MPP7: variants seen among roughly 807,000 people sequenced by gnomAD.
The protein encoded by MPP7 is MAGUK p55 scaffold protein 7.
In MPP7, 60 loss-of-function variants were observed where a neutral mutation model predicts 76.5. The observed-to-expected ratio is 0.78, with a 90% confidence interval of 0.64 to 0.97. The LOEUF is 0.97. MPP7 is among the 50% of genes least tolerant of loss of function. The pLI is 0.00. For missense variants in MPP7, 641 were observed against 694.0 expected, an observed-to-expected ratio of 0.92 and a Z score of 0.86; for synonymous variants, 237 against 244.5, an observed-to-expected ratio of 0.97 and a Z score of 0.29.
rs1028087359 is a variant in MPP7, at chr10:28,125,204, A to T, written c.448-113T>A. On this transcript the variant is annotated intron_variant, in intron 6 of 16. Coordinates refer to ENST00000683449, the MANE Select transcript of MPP7 (RefSeq NM_001318170.2). The stretch of plus-strand genomic sequence containing the variant: ...AAGAGAAAACAACTACAAAAACGAA[A>T]AAAAAGAAATGAGGCAGGAAAAATA... 2.0e-5 allele frequency: 17 copies of T among 865,624 alleles called. No homozygotes were observed. In the Middle Eastern group the frequency reaches 1.8e-3, roughly 91 times the overall value. 53.6% of individuals were successfully genotyped at this position (865,624 alleles called of 1,614,324 possible). A position where few individuals can be genotyped will look rare whatever the true frequency, so the allele number is the denominator to read the frequency against.
intron 1 of MPP7, among the ~76,000 whole-genome samples, chr10:28,264,724 C>T (rs1399599544): frequency 6.6e-6 from 1 of 152,138 alleles, no homozygotes; most frequent in Non-Finnish European, 1.5e-5. Flanking sequence ...GTGAAGGAAA[C>T]TGTTTATTAC....
At chr10:28,059,321 G>A (rs10218924) in intron 14 of MPP7, among the ~76,000 whole-genome samples, 22,538 of 152,106 alleles carry the variant, frequency 0.15, 1,997 homozygotes, top group African/African-American at 0.25. Flanking sequence ...ATAGTTGTTG[G>A]TTTTTGAAGT....
intron 11 of MPP7, among the ~76,000 whole-genome samples, chr10:28,090,753 A>G (rs950141049): frequency 3.3e-5 from 5 of 152,236 alleles, no homozygotes; most frequent in Non-Finnish European, 5.9e-5. Context: ...AAGTCAGTTA[A>G]CTTTAACTGG....
chr10:28,219,103 G>A (rs936944698), intron 2 of MPP7, among the ~76,000 whole-genome samples: 6 of 152,116 alleles, frequency 3.9e-5, no homozygotes, highest in Non-Finnish European at 7.4e-5. Flanking sequence ...AGAGAATTTC[G>A]TTTAGAACAA....
chr10:28,271,143 G>GATACA lies in MPP7; in HGVS notation c.-132+31717_-132+31718insTGTAT, dbSNP rs1384225697. 6.6e-5 allele frequency among the ~76,000 whole-genome samples: 10 copies of GATACA among 152,308 alleles called. No individual in the cohort carries two copies. In the East Asian group the frequency reaches 1.5e-3, roughly 24 times the overall value. On this transcript the variant is annotated intron_variant, in intron 1 of 16. Transcript: ENST00000683449. ...AAATATGGTTTCTAGGCAAAAGGAA[G>GATACA]TTAGGCAAAATTTGCAATGTATCTT...
intron 4 of MPP7, 139 bp from the exon 5 acceptor site, chr10:28,147,702 A>C (rs1463082462): frequency 4.2e-6 from 3 of 707,564 alleles, no homozygotes; most frequent in Non-Finnish European, 7.4e-6. Context: ...AAGAAAACAG[A>C]TCATCAATCA....
At chr10:28,189,862 C>A in intron 3 of MPP7, among the ~76,000 whole-genome samples, 1 of 151,746 alleles carries the variant, frequency 6.6e-6, no homozygotes, top group Non-Finnish European at 1.5e-5. Context: ...TCTAAATATA[C>A]CAATTAAAAA....
chr10:28,114,528 T>TA (rs943174301), intron 11 of MPP7, among the ~76,000 whole-genome samples: 1 of 152,034 alleles, frequency 6.6e-6, no homozygotes, highest in African/African-American at 2.4e-5. Context: ...TGGGCAGTAG[T>TA]AAACGTCCCA....
chr10:28,089,180 T>A (rs926544743), intron 12 of MPP7, among the ~76,000 whole-genome samples: 4 of 152,150 alleles, frequency 2.6e-5, no homozygotes, highest in Non-Finnish European at 4.4e-5. Flanking sequence ...CCCAAAGTGC[T>A]GGGATTAAAG....
At chr10:28,205,867 T>C (rs1480371423) in intron 2 of MPP7, among the ~76,000 whole-genome samples, 1 of 151,946 alleles carries the variant, frequency 6.6e-6, no homozygotes, top group Non-Finnish European at 1.5e-5. Context: ...CGTTGGGAGG[T>C]GGAGGCCAGT....
At chr10:28,070,461 C>T (rs1852192020) in intron 12 of MPP7, among the ~76,000 whole-genome samples, 1 of 152,130 alleles carries the variant, frequency 6.6e-6, no homozygotes, top group African/African-American at 2.4e-5. Flanking sequence ...ACATGTCTAC[C>T]TAAGAAAATT....
chr10:28,178,116 T>C (rs1211321248), intron 3 of MPP7, among the ~76,000 whole-genome samples: 1 of 152,120 alleles, frequency 6.6e-6, no homozygotes, highest in Admixed American at 6.5e-5. Flanking sequence ...TTAGGCTGAA[T>C]AGTTCTTTGT....
chr10:28,215,368 T>A (rs921340458), intron 2 of MPP7, among the ~76,000 whole-genome samples: 2 of 152,046 alleles, frequency 1.3e-5, no homozygotes, highest in African/African-American at 4.8e-5. Context: ...AACACAAGTT[T>A]TTTCCCCAGT....
At chr10:28,205,562 T>C (rs554357457) in intron 2 of MPP7, among the ~76,000 whole-genome samples, 1 of 152,254 alleles carries the variant, frequency 6.6e-6, no homozygotes, top group Admixed American at 6.5e-5. Flanking sequence ...ACAGTTATGG[T>C]AGCTATGAAT....
At chr10:28,126,897 T>C (rs572506308) in intron 6 of MPP7, among the ~76,000 whole-genome samples, 106 of 152,206 alleles carry the variant, frequency 7.0e-4, no homozygotes, top group Non-Finnish European at 9.9e-4. Flanking sequence ...AAGGTAACAA[T>C]TAGAGAAAGA....
intron 11 of MPP7, among the ~76,000 whole-genome samples, chr10:28,115,180 G>A (rs370714140): frequency 6.6e-6 from 1 of 151,926 alleles, no homozygotes; most frequent in South Asian, 2.1e-4. Context: ...TCGGCTCACT[G>A]CAACCTCTGC....
chr10:28,105,510 T>C (rs1834294852), intron 11 of MPP7, among the ~76,000 whole-genome samples: 1 of 152,182 alleles, frequency 6.6e-6, no homozygotes, highest in Non-Finnish European at 1.5e-5. Flanking sequence ...GCAGCTCAGC[T>C]AATTATTATT....
intron 6 of MPP7, among the ~76,000 whole-genome samples, chr10:28,127,952 C>A (rs1835072010): frequency 6.6e-6 from 1 of 152,098 alleles, no homozygotes; most frequent in Admixed American, 6.6e-5. Flanking sequence ...GCAAAGGTGC[C>A]AAGGGGAAGG....
At chr10:28,295,259 C>T (rs1011062931) in intron 1 of MPP7, among the ~76,000 whole-genome samples, 11 of 151,960 alleles carry the variant, frequency 7.2e-5, no homozygotes, top group African/African-American at 2.2e-4. Context: ...TATGAAGAAA[C>T]GAAAACAGTG....
Sources: gnomAD v4.1 joint callset for allele counts (sites outside exome capture counted in the v4.1 genomes callset) on GRCh38, gnomAD v4.1.1 for gene constraint, MANE v1.5 for transcripts, NCBI Gene and HGNC (gene_info 2026-07-23, HGNC 2026-07-21) for gene names.